The following SUSD4 variants were observed in gnomAD, a reference collection of about 807,000 sequenced individuals.
SUSD4 encodes sushi domain-containing protein 4.
SUSD4 carries 41 observed loss-of-function variants against 50.5 expected under a neutral mutation model. That is an observed-to-expected ratio of 0.81 (90% CI 0.63 to 1.05). SUSD4 has a LOEUF of 1.05. SUSD4 is among the 50% of genes least tolerant of loss of function. SUSD4 has a pLI of 0.00. For synonymous variants in SUSD4, 257 were observed against 257.3 expected, an observed-to-expected ratio of 1.00 and a Z score of 0.01; for missense variants, 580 against 634.7, an observed-to-expected ratio of 0.91 and a Z score of 0.93.
chr1:223,287,565 T>G lies in SUSD4; in HGVS notation c.361+4874A>C, dbSNP rs533776971. The stretch of plus-strand genomic sequence containing the variant: ...CTCTGTGGAGGCCCCGTAAGTTCTC[T>G]TAAGGACCTTATGCTGGGATTAAGA... On this transcript the variant is annotated intron_variant, in intron 3 of 8. Transcript: ENST00000366878. Among the ~76,000 whole-genome samples, 3 of 152,274 alleles carry G rather than the reference T, an allele frequency of 2.0e-5. No homozygotes were observed. In the South Asian group the frequency reaches 6.2e-4, roughly 32 times the overall value.
At chr1:223,257,711 T>C (rs1661796461) in intron 5 of SUSD4, among the ~76,000 whole-genome samples, 1 of 152,116 alleles carries the variant, frequency 6.6e-6, no homozygotes, top group South Asian at 2.1e-4. Context: ...AGTTTCAAGT[T>C]TATCAGAGGA....
chr1:223,304,901 A>G (rs1409996478), intron 2 of SUSD4, among the ~76,000 whole-genome samples: 2 of 142,484 alleles, frequency 1.4e-5, no homozygotes. Context: ...GAATGAAAAC[A>G]TATTGCTTCA....
intron 5 of SUSD4, among the ~76,000 whole-genome samples, chr1:223,260,325 G>A (rs1662015057): frequency 6.6e-6 from 1 of 152,196 alleles, no homozygotes; most frequent in Non-Finnish European, 1.5e-5. Context: ...CTCTGGCCTA[G>A]CAGGTGTTCA....
intron 2 of SUSD4, among the ~76,000 whole-genome samples, chr1:223,293,829 T>C (rs909736834): frequency 6.6e-6 from 1 of 152,076 alleles, no homozygotes; most frequent in Non-Finnish European, 1.5e-5. Context: ...GCTCCTAATA[T>C]GTCCTTACTC....
At chr1:223,272,496 G>A (rs562842382) in intron 3 of SUSD4, among the ~76,000 whole-genome samples, 6 of 152,310 alleles carry the variant, frequency 3.9e-5, no homozygotes, top group Admixed American at 1.3e-4. Context: ...AGAGAGCAGC[G>A]CCTAAGGGAT....
At chr1:223,335,865 T>G (rs977545691) in intron 2 of SUSD4, among the ~76,000 whole-genome samples, 11 of 152,220 alleles carry the variant, frequency 7.2e-5, no homozygotes, top group Admixed American at 4.6e-4. Context: ...GATTACTTGT[T>G]GCACTTGACA....
chr1:223,262,593 C>A (rs930870895), intron 5 of SUSD4, among the ~76,000 whole-genome samples: 1 of 152,174 alleles, frequency 6.6e-6, no homozygotes, highest in African/African-American at 2.4e-5. Context: ...CGAATCCTTA[C>A]CTCTTAGTTT....
chr1:223,248,017 A>G (rs1661056403), intron 5 of SUSD4, among the ~76,000 whole-genome samples: 1 of 152,178 alleles, frequency 6.6e-6, no homozygotes, highest in Admixed American at 6.5e-5. Context: ...GGATCAACTA[A>G]GTGCTTATTA....
chr1:223,270,405 C>T (rs371764173), intron 3 of SUSD4, among the ~76,000 whole-genome samples: 79 of 152,296 alleles, frequency 5.2e-4, no homozygotes, highest in African/African-American at 1.7e-3. Context: ...CTCTGGAGCA[C>T]GGCTAACAGG....
intron 5 of SUSD4, among the ~76,000 whole-genome samples, chr1:223,232,914 GATGT>G (rs1659988360): frequency 6.6e-6 from 1 of 152,188 alleles, no homozygotes; most frequent in Admixed American, 6.5e-5. Context: ...AGGATTTGAA[GATGT>G]ATGAAAACTG....
chr1:223,245,901 C>T (rs1186200999), intron 5 of SUSD4, among the ~76,000 whole-genome samples: 1 of 152,114 alleles, frequency 6.6e-6, no homozygotes. Flanking sequence ...ACTGACTATG[C>T]TAGGTTTTTG....
Position 223,359,230 on chromosome 1 carries a change from T to C in SUSD4, c.148+4048A>G, listed in dbSNP as rs879005378. On this transcript the variant is annotated intron_variant, in intron 2 of 8. Transcript: ENST00000366878. ...TGCTGTGTGACTTTCAGAACCCCTA[T>C]TGGAGCTTCTAGGACTTTTACAATA... 17 of 445,204 alleles carry C rather than the reference T, an allele frequency of 3.8e-5. 1 individual carries two copies. The highest frequency in any genetic ancestry group is 2.8e-4 in the East Asian group (4 of 14,076). 27.6% of individuals were successfully genotyped at this position (445,204 alleles called of 1,614,324 possible). A position where few individuals can be genotyped will look rare whatever the true frequency, so the allele number is the denominator to read the frequency against.
chr1:223,239,370 A>G (rs1660426349), intron 5 of SUSD4, among the ~76,000 whole-genome samples: 1 of 152,046 alleles, frequency 6.6e-6, no homozygotes, highest in South Asian at 2.1e-4. Flanking sequence ...GTTATCTACC[A>G]TATGTGTTAT....
intron 2 of SUSD4, among the ~76,000 whole-genome samples, chr1:223,336,009 T>C (rs1667435011): frequency 6.9e-6 from 1 of 144,984 alleles, no homozygotes; most frequent in African/African-American, 2.5e-5. Flanking sequence ...AAAAGTTGTT[T>C]AAAAAAAAAA....
chr1:223,246,504 G>C (rs1024379219), intron 5 of SUSD4, among the ~76,000 whole-genome samples: 1 of 151,426 alleles, frequency 6.6e-6, no homozygotes, highest in Non-Finnish European at 1.5e-5. Flanking sequence ...TTGTTAAGAC[G>C]TTGGCAGGAG....
At chr1:223,295,816 C>T (rs1383898022) in intron 2 of SUSD4, among the ~76,000 whole-genome samples, 3 of 147,742 alleles carry the variant, frequency 2.0e-5, no homozygotes, top group African/African-American at 5.0e-5. Context: ...ACTTTGTGCA[C>T]ATGTACCCTA....
chr1:223,353,896 C>T (rs1208245501), intron 2 of SUSD4, among the ~76,000 whole-genome samples: 8 of 151,994 alleles, frequency 5.3e-5, no homozygotes, highest in Non-Finnish European at 1.2e-4. Context: ...TTAGCTTTGT[C>T]CTCCCATTGA....
chr1:223,335,366 G>T (rs186216662), intron 2 of SUSD4, among the ~76,000 whole-genome samples: 7 of 152,250 alleles, frequency 4.6e-5, no homozygotes, highest in Admixed American at 3.9e-4. Context: ...TGACGGAAAT[G>T]ATTTTTAACC....
At chr1:223,346,433 G>T (rs902823168) in intron 2 of SUSD4, among the ~76,000 whole-genome samples, 1 of 152,170 alleles carries the variant, frequency 6.6e-6, no homozygotes, top group Non-Finnish European at 1.5e-5. Context: ...GCGTACTGCA[G>T]AAAGAAGGTC....
Sources: allele counts gnomAD v4.1 joint callset (sites outside exome capture counted in the v4.1 genomes callset), GRCh38; gene constraint gnomAD v4.1.1; transcripts MANE v1.5; gene names NCBI Gene and HGNC (gene_info 2026-07-23, HGNC 2026-07-21).